The following MCM10 variants were observed in gnomAD, a reference collection of about 807,000 sequenced individuals.
MCM10 encodes minichromosome maintenance 10 replication initiation factor.
Under a neutral mutation model 109.9 loss-of-function variants are expected in MCM10, and 91 were observed. That is an observed-to-expected ratio of 0.83 (90% CI 0.70 to 0.99). The LOEUF is 0.99. Among genes scored for constraint, MCM10 ranks in the 50% least tolerant of loss-of-function variants. MCM10 has a pLI of 0.00. For missense variants in MCM10, 1,077 were observed against 1,061.2 expected (o/e 1.01, Z -0.21); for synonymous variants, 380 against 387.2 (o/e 0.98, Z 0.22).
At position 13,209,695 on chromosome 10, in the gene MCM10, A is replaced by C. The variant is rs957254750; in HGVS notation, c.*385A>C. The C allele has an allele frequency of 1.2e-4, 21 of 178,450 alleles. No individual in the cohort carries two copies. Among genetic ancestry groups the C allele is most frequent in the Non-Finnish European group, 1.9e-4 (16 of 84,948 alleles). 11.1% of individuals were successfully genotyped at this position (178,450 alleles called of 1,614,324 possible). On this transcript the variant is annotated 3_prime_UTR_variant, in exon 20 of 20. Transcript: ENST00000378714. ...TATACGAACACCCAGAGGCAAAAGAATTTGGCTTAATTCTCACTCCAGGTA... is the reference window on the plus strand; with the variant it reads ...TATACGAACACCCAGAGGCAAAAGACTTTGGCTTAATTCTCACTCCAGGTA...
chr10:13,170,667 G>GTT (rs1390916397), intron 2 of MCM10, among the ~76,000 whole-genome samples: 2 of 151,678 alleles, frequency 1.3e-5, no homozygotes, highest in African/African-American at 4.8e-5. Flanking sequence ...GCATCTGTAG[G>GTT]TTTTTGTTTT....
chr10:13,180,741 C>T, intron 7 of MCM10, 134 bp downstream of exon 7: 1 of 985,420 alleles, frequency 1.0e-6, no homozygotes, highest in East Asian at 2.4e-5. Context: ...AATCACCACA[C>T]ATCATTGAGT....
intron 16 of MCM10, among the ~76,000 whole-genome samples, chr10:13,201,018 A>G (rs1313745572): frequency 1.3e-5 from 2 of 152,144 alleles, no homozygotes; most frequent in African/African-American, 4.8e-5. Flanking sequence ...TGTGGCGGGC[A>G]CCTGTAGTCC....
At chr10:13,194,769 T>C (rs1834393341) in intron 13 of MCM10, among the ~76,000 whole-genome samples, 2 of 152,228 alleles carry the variant, frequency 1.3e-5, no homozygotes, top group Admixed American at 6.5e-5. Flanking sequence ...TGACATCCAC[T>C]GGACAGCCAA....
chr10:13,172,302 T>G lies in MCM10; in HGVS notation c.350-74T>G, dbSNP rs1456023561. ...TGGGGCAGGGAGTGGACAACAAAAA[T>G]ATTGCCCGCATTTTTGTCATGTAGA... On this transcript the variant is annotated intron_variant, in intron 3 of 19. Coordinates refer to ENST00000378714, the MANE Select transcript of MCM10 (RefSeq NM_018518.5). The surrounding 1 kb of genome is among the most constrained non-coding windows in gnomAD (Gnocchi z 5.2). The G allele has an allele frequency of 4.4e-6, 5 of 1,128,408 alleles. No individual in the cohort carries two copies. The highest frequency in any genetic ancestry group is 1.3e-5 in the South Asian group (1 of 76,188). 69.9% of individuals were successfully genotyped at this position (1,128,408 alleles called of 1,614,324 possible). A position where few individuals can be genotyped will look rare whatever the true frequency, so the allele number is the denominator to read the frequency against.
Position 13,172,413 on chromosome 10 carries a change from A to T in MCM10, c.387A>T (p.Leu129Phe). ...ATTTGCAAGAGCAAATGAAGGCCTT[A>T]CAAGAGCAGCTAAAAGTAACAACAA... is the stretch of plus-strand genomic sequence containing the variant. The part of the protein sequence containing the change: ...LRNLQEQMKA[L>F]QEQLKVTTIK... Residue 129 changes from leucine to phenylalanine, a missense_variant, in exon 4 of 20, where the codon TTA (leucine) becomes TTT (phenylalanine). Coordinates refer to ENST00000378714, the MANE Select transcript of MCM10 (RefSeq NM_018518.5). This position sits in a 1 kb window ranked among gnomAD's most constrained non-coding sequence, Gnocchi z 5.2. 6.2e-7 allele frequency: 1 copy of T among 1,614,164 alleles called. No individual in the cohort carries two copies. The highest frequency in any genetic ancestry group is 8.5e-7 in the Non-Finnish European group (1 of 1,180,018).
Position 13,171,281 on chromosome 10 carries a change from C to A in MCM10, c.349+18C>A. On this transcript the variant is annotated intron_variant, in intron 3 of 19. Transcript: ENST00000378714. ...GTTGCAAGGTGCCCTAACTACTTGC[C>A]TTCCTTATTTCTTTCGGATAAGTTG... 12 of 1,576,492 alleles carry A rather than the reference C, an allele frequency of 7.6e-6. No homozygotes were observed. Among genetic ancestry groups the A allele is most frequent in the Non-Finnish European group, 1.0e-5 (12 of 1,161,700 alleles).
intron 2 of MCM10, among the ~76,000 whole-genome samples, chr10:13,166,661 C>CATATATATATATATATAT (rs60500036): frequency 3.3e-5 from 3 of 89,668 alleles, no homozygotes; most frequent in African/African-American, 1.1e-4. Context: ...TACATACATA[C>CATATATATATATATATAT]ATATATATAT....
intron 2 of MCM10, among the ~76,000 whole-genome samples, chr10:13,169,504 C>G (rs530748876): frequency 2.5e-4 from 38 of 152,234 alleles, no homozygotes; most frequent in African/African-American, 8.2e-4. Context: ...ACCCAGCAAT[C>G]CAGCAATTCC....
rs1834457622 is a variant in MCM10 at position 13,198,771 on chromosome 10, A to G, written c.2202A>G (p.Leu734=). The G allele has an allele frequency of 1.2e-6, 2 of 1,613,500 alleles. No individual in the cohort carries two copies. Among genetic ancestry groups the G allele is most frequent in the Non-Finnish European group, 1.7e-6 (2 of 1,179,934 alleles). ...AATCTGAGGAATTTCAGAAAATCCT[A>G]AAAGCAAAATCAAAACACACAGGCA... ...YLESEEFQKI[L]KAKSKHTGIL... is the part of the protein sequence containing the mutation. The change falls in exon 16 of 20, where the codon CTA becomes CTG. Residue 734 remains leucine, a synonymous_variant. Coordinates refer to ENST00000378714, the MANE Select transcript of MCM10 (RefSeq NM_018518.5).
intron 18 of MCM10, among the ~76,000 whole-genome samples, chr10:13,204,694 C>G (rs932178682): frequency 2.6e-5 from 4 of 152,102 alleles, no homozygotes; most frequent in Admixed American, 2.6e-4. Context: ...TTTTTTTCCT[C>G]TCTCCAAAGA....
chr10:13,166,642 A>G (rs1834001063), intron 2 of MCM10, among the ~76,000 whole-genome samples: 1 of 98,198 alleles, frequency 1.0e-5, no homozygotes, highest in African/African-American at 3.4e-5. Context: ...TCTCAAAAAA[A>G]AAAAAAAATA....
At chr10:13,178,966 G>A (rs1834175637) in intron 6 of MCM10, among the ~76,000 whole-genome samples, 1 of 152,158 alleles carries the variant, frequency 6.6e-6, no homozygotes, top group Admixed American at 6.6e-5. Flanking sequence ...TGGAGCAGTT[G>A]TAAATGGGAT....
At chr10:13,195,801 C>T (rs571895308) in intron 14 of MCM10, among the ~76,000 whole-genome samples, 388 of 151,652 alleles carry the variant, frequency 2.6e-3, no homozygotes, top group Non-Finnish European at 3.9e-3. Context: ...CATGGTTTCA[C>T]CATGTTGGCC....
intron 9 of MCM10, 116 bp downstream of exon 9, chr10:13,186,396 G>A (rs1276276305): frequency 1.7e-5 from 11 of 629,170 alleles, no homozygotes; most frequent in Non-Finnish European, 3.0e-5. Context: ...CTTAAAGGAA[G>A]AGTCAAAATG....
At chr10:13,167,346 T>C (rs1834014791) in intron 2 of MCM10, among the ~76,000 whole-genome samples, 1 of 152,024 alleles carries the variant, frequency 6.6e-6, no homozygotes, top group South Asian at 2.1e-4. Context: ...TGGATGAAGC[T>C]GAAGAGCTGC....
chr10:13,173,660 C>T (rs1396495107), intron 5 of MCM10, among the ~76,000 whole-genome samples: 2 of 152,154 alleles, frequency 1.3e-5, no homozygotes, highest in African/African-American at 4.8e-5. Context: ...GTGCCACAGT[C>T]GTAGAGAACT....
intron 8 of MCM10, among the ~76,000 whole-genome samples, chr10:13,185,163 C>T (rs1363246236): frequency 6.6e-6 from 1 of 152,132 alleles, no homozygotes; most frequent in Non-Finnish European, 1.5e-5. Flanking sequence ...GCACTCCAGG[C>T]AGGCAGAGTC....
Position 13,172,507 on chromosome 10 carries a change from G to C in MCM10, c.454+27G>C, listed in dbSNP as rs763935946. ...TAAGAAGACTGTCATTCTGGCAATC[G>C]TGTGCATTTATTTTATTAGAAATTA... On this transcript the variant is annotated intron_variant, in intron 4 of 19. Transcript: ENST00000378714. The surrounding 1 kb of genome is among the most constrained non-coding windows in gnomAD (Gnocchi z 5.2). 1 of 1,606,286 alleles carries C rather than the reference G, an allele frequency of 6.2e-7. No individual in the cohort carries two copies. Among genetic ancestry groups the C allele is most frequent in the Non-Finnish European group, 8.5e-7 (1 of 1,173,374 alleles).
Sources: gnomAD v4.1 joint callset for allele counts (sites outside exome capture counted in the v4.1 genomes callset) on GRCh38, gnomAD v4.1.1 for gene constraint, Gnocchi (gnomAD v3.1) non-coding constraint, MANE v1.5 for transcripts, NCBI Gene and HGNC (gene_info 2026-07-23, HGNC 2026-07-21) for gene names.